The following DCST2 variants were observed in gnomAD, a reference collection of about 807,000 sequenced individuals.
DCST2 encodes the protein DC-STAMP domain-containing protein 2.
Under a neutral mutation model 81.8 loss-of-function variants are expected in DCST2, and 64 were observed. The observed-to-expected ratio is 0.78, with a 90% confidence interval of 0.64 to 0.96. The LOEUF (loss-of-function observed/expected upper bound fraction) is 0.96, where lower values mean the gene tolerates loss of function less well. Among genes scored for constraint, DCST2 ranks in the 40% least tolerant of loss-of-function variants. The pLI, the probability that DCST2 is intolerant of heterozygous loss-of-function variation, is 0.00. For synonymous variants in DCST2, 354 were observed against 402.6 expected (o/e 0.88, Z 1.44); for missense variants, 945 against 1,001.4 (o/e 0.94, Z 0.76).
intron 2 of DCST2, 26 bp downstream of exon 2, chr1:155,033,068 G>A (rs1430109539): frequency 2.0e-6 from 3 of 1,523,940 alleles, no homozygotes; most frequent in Non-Finnish European, 2.6e-6. Context: ...GCCCGTGGGA[G>A]ACAGTGGTAG....
intron 8 of DCST2, 121 bp from the exon 9 acceptor site, chr1:155,026,836 G>C (rs1659925899): frequency 1.6e-6 from 2 of 1,259,560 alleles, no homozygotes; most frequent in Non-Finnish European, 2.2e-6. Flanking sequence ...CCCTTGGCTG[G>C]GGGCCTCTGA....
At chr1:155,022,403 C>T (rs1023975635) in intron 14 of DCST2, among the ~76,000 whole-genome samples, 22 of 152,162 alleles carry the variant, frequency 1.4e-4, no homozygotes, top group Admixed American at 8.5e-4. Flanking sequence ...ACTTCTCAGC[C>T]TAACAAACCA....
intron 14 of DCST2, among the ~76,000 whole-genome samples, chr1:155,022,509 T>C: frequency 6.6e-6 from 1 of 152,140 alleles, no homozygotes; most frequent in South Asian, 2.1e-4. Context: ...GGCGAGAGGA[T>C]GGTTTGAGCT....
chr1:155,023,762 C>A (rs919657878), intron 12 of DCST2, 70 bp downstream of exon 12: 166 of 1,604,586 alleles, frequency 1.0e-4, no homozygotes, highest in Non-Finnish European at 1.4e-4. Flanking sequence ...AAGGAAGGAC[C>A]ACAGTGGATT....
chr1:155,029,657 C>A (rs545116102), intron 7 of DCST2, among the ~76,000 whole-genome samples: 1 of 152,090 alleles, frequency 6.6e-6, no homozygotes, highest in Non-Finnish European at 1.5e-5. Context: ...GGAGCCCTCC[C>A]TCCTAGGGCA....
chr1:155,029,451 G>A, intron 7 of DCST2, 54 bp from the exon 8 acceptor site: 1 of 1,582,964 alleles, frequency 6.3e-7, no homozygotes, highest in Non-Finnish European at 8.6e-7. Context: ...CCGTCCACCA[G>A]ATCCCAGTTC....
chr1:155,033,043 A>AG (rs1368565546), intron 2 of DCST2, 51 bp downstream of exon 2: 9 of 1,473,784 alleles, frequency 6.1e-6, no homozygotes, highest in Non-Finnish European at 8.1e-6. Context: ...ATGCAGGATG[A>AG]GGGGGGCGAG....
At chr1:155,031,285 G>A (rs1315197646) in intron 4 of DCST2, 51 bp from the exon 5 acceptor site, 1 of 1,519,154 alleles carries the variant, frequency 6.6e-7, no homozygotes, top group South Asian at 1.3e-5. Flanking sequence ...AGCCAGGCCT[G>A]CCCCCGACCT....
intron 3 of DCST2, 149 bp from the exon 4 acceptor site, chr1:155,031,920 C>T: frequency 1.3e-6 from 1 of 777,526 alleles, no homozygotes; most frequent in South Asian, 1.8e-5. Context: ...TAGCCAGCGC[C>T]CAGAAGGGGC....
chr1:155,028,521 T>C (rs1403055190), intron 8 of DCST2, among the ~76,000 whole-genome samples: 2 of 144,824 alleles, frequency 1.4e-5, no homozygotes, highest in East Asian at 2.1e-4. Flanking sequence ...GAGGCAGAGA[T>C]TGTAGTGAGC....
In DCST2 at chr1:155,032,691, T is replaced by C. The variant is rs148649840; in HGVS notation, c.517A>G (p.Ile173Val). Residue 173 changes from isoleucine (I) to valine (V), a missense_variant, in exon 3 of 15, where the codon ATC (isoleucine) becomes GTC (valine). Physicochemically the swap from Ile to Val is conservative, Grantham distance 29. Transcript: ENST00000368424. ...ADRVRKFFRS[I>V]MDGVKHIARA... ...CCTATGTGTTTCACACCATCCATGATTGACCGAAAGAACTTGCGGACCCGG... is the reference window on the plus strand; with the variant it reads ...CCTATGTGTTTCACACCATCCATGACTGACCGAAAGAACTTGCGGACCCGG... 6.6e-5 allele frequency: 107 copies of C among 1,614,068 alleles called. No homozygotes were observed. Among genetic ancestry groups the C allele is most frequent in the Non-Finnish European group, 8.1e-5 (96 of 1,179,956 alleles).
At chr1:155,025,893 G>C (rs1164140835) in intron 10 of DCST2, among the ~76,000 whole-genome samples, 1 of 148,758 alleles carries the variant, frequency 6.7e-6, no homozygotes, top group Non-Finnish European at 1.5e-5. Flanking sequence ...TTTTTTAATA[G>C]AGACAGAGGC....
intron 8 of DCST2, among the ~76,000 whole-genome samples, chr1:155,028,081 C>T (rs896052677): frequency 1.3e-5 from 2 of 151,726 alleles, no homozygotes; most frequent in Non-Finnish European, 2.9e-5. Flanking sequence ...CCTGCCACGA[C>T]GCCTGGCTAA....
chr1:155,028,003 C>A (rs1468008001), intron 8 of DCST2, among the ~76,000 whole-genome samples: 2 of 151,936 alleles, frequency 1.3e-5, no homozygotes, highest in Non-Finnish European at 2.9e-5. Context: ...CGGCTCACTG[C>A]AACCTCTGCC....
At chr1:155,021,584 C>A (rs1361073795) in intron 14 of DCST2, among the ~76,000 whole-genome samples, 1 of 151,614 alleles carries the variant, frequency 6.6e-6, no homozygotes, top group Non-Finnish European at 1.5e-5. Context: ...CAAAAATATA[C>A]CTCCAGCCCG....
chr1:155,021,634 A>G (rs922708746), intron 14 of DCST2, among the ~76,000 whole-genome samples: 6 of 151,750 alleles, frequency 4.0e-5, no homozygotes, highest in African/African-American at 1.5e-4. Context: ...GGGCATCTCC[A>G]GCTGGATGCC....
Position 155,026,620 on chromosome 1 carries a change from T to TGCC in DCST2, c.1435_1437dup (p.Gly479dup), listed in dbSNP as rs769929059. On this transcript the variant is annotated inframe_insertion, in exon 9 of 15. Coordinates refer to ENST00000368424, the MANE Select transcript of DCST2 (RefSeq NM_144622.3). ...CAACGCCGGGACAAAATACTGATGT[T>TGCC]GCCTTGCTGCAGGACATCAAATGCT... The TGCC allele has an allele frequency of 1.4e-5, 22 of 1,614,088 alleles. No individual in the cohort carries two copies. The African/African-American group carries it at 2.3e-4, about 17-fold the overall frequency.
At position 155,023,978 on chromosome 1, in the gene DCST2, A is replaced by G; in HGVS notation, c.1743-19T>C. The G allele has an allele frequency of 6.2e-7, 1 of 1,609,452 alleles. No homozygotes were observed. The highest frequency in any genetic ancestry group is 1.1e-5 in the South Asian group (1 of 90,650). ...GGGGCACCTGAGAAAAGGGTCACAG[A>G]CACTAAGCAGGCCAGCCCAGCCAGC... On this transcript the variant is annotated intron_variant, in intron 11 of 14. Transcript: ENST00000368424.
Position 155,030,360 on chromosome 1 carries a change from T to G in DCST2, c.1019+72A>C. 4 of 1,592,608 alleles carry G rather than the reference T, an allele frequency of 2.5e-6. No individual in the cohort carries two copies. In the South Asian group the frequency reaches 4.5e-5, roughly 18 times the overall value. The stretch of plus-strand genomic sequence containing the variant: ...CCCTGGATGCTGGGGCAGGGAGAAA[T>G]GAGCTGCTCCCTGCAGCCCTGGCCC... On this transcript the variant is annotated intron_variant, in intron 6 of 14. Coordinates refer to ENST00000368424, the MANE Select transcript of DCST2 (RefSeq NM_144622.3).
Sources: gnomAD v4.1 joint callset for allele counts (sites outside exome capture counted in the v4.1 genomes callset) on GRCh38, gnomAD v4.1.1 for gene constraint, MANE v1.5 for transcripts, NCBI Gene and HGNC (gene_info 2026-07-23, HGNC 2026-07-21) for gene names.